Variants in ARHGEF12 observed in about 807,000 individuals in gnomAD.
The protein encoded by ARHGEF12 is Rho guanine nucleotide exchange factor 12.
Under a neutral mutation model 211.2 loss-of-function variants are expected in ARHGEF12, and 66 were observed. That is an observed-to-expected ratio of 0.31 (90% CI 0.26 to 0.38). ARHGEF12 has a LOEUF of 0.38. Ranked by LOEUF, ARHGEF12 falls within the 10% of genes least tolerant of loss-of-function variation. The pLI is 1.00. For synonymous variants in ARHGEF12, 592 were observed against 638.4 expected (o/e 0.93, Z 1.09); for missense variants, 1,429 against 1,869.5 (o/e 0.76, Z 4.34).
chr11:120,337,654 G>A (rs779942827), intron 1 of ARHGEF12: 2 of 985,380 alleles, frequency 2.0e-6, no homozygotes. Context: ...CTTTAGCCGT[G>A]TCCTGCAGTA....
intron 11 of ARHGEF12, among the ~76,000 whole-genome samples, chr11:120,433,345 T>C (rs531741638): frequency 6.6e-6 from 1 of 152,346 alleles, no homozygotes; most frequent in Non-Finnish European, 1.5e-5. Flanking sequence ...GAGATTATCT[T>C]AGAAGCCAAA....
intron 15 of ARHGEF12, among the ~76,000 whole-genome samples, chr11:120,444,007 T>C (rs1945964594): frequency 6.6e-6 from 1 of 152,164 alleles, no homozygotes; most frequent in South Asian, 2.1e-4. Flanking sequence ...CGGTACCCCA[T>C]GTGGATATCA....
Position 120,477,483 on chromosome 11 carries a change from AGAG to A in ARHGEF12, c.3493_3495del (p.Glu1165del), listed in dbSNP as rs915995381. 6.2e-7 allele frequency: 1 copy of A among 1,612,562 alleles called. No individual in the cohort carries two copies. The highest frequency in any genetic ancestry group is 8.5e-7 in the Non-Finnish European group (1 of 1,179,882). Reference sequence around the variant, plus strand: ...ATGAAGAAGATCCTTCAAAATTAAAAGAGGAGCAGCATGGCATTTCAGTCACTG... The same window carrying A: ...ATGAAGAAGATCCTTCAAAATTAAAAGAGCAGCATGGCATTTCAGTCACTG... On this transcript the variant is annotated inframe_deletion, in exon 36 of 41. Coordinates refer to ENST00000397843, the MANE Select transcript of ARHGEF12 (RefSeq NM_015313.3).
At chr11:120,411,679 T>C (rs1260669010) in intron 4 of ARHGEF12, 3 of 130,912 alleles carry the variant, frequency 2.3e-5, no homozygotes, top group African/African-American at 8.7e-5. Flanking sequence ...AGCCTCAACC[T>C]CCTGGGCTCA....
chr11:120,452,814 G>A (rs370079760), intron 22 of ARHGEF12, among the ~76,000 whole-genome samples: 137 of 152,186 alleles, frequency 9.0e-4, no homozygotes, highest in African/African-American at 3.0e-3. Flanking sequence ...TGGCCAACAT[G>A]GTGAAACCCG....
At chr11:120,465,012 GA>G (rs757615932) in intron 27 of ARHGEF12, 786 of 437,034 alleles carry the variant, frequency 1.8e-3, no homozygotes, top group East Asian at 3.1e-3. Context: ...TCAAAAAAAA[GA>G]AAAAAAAAAG....
intron 33 of ARHGEF12, chr11:120,475,914 G>T (rs1947015192): frequency 1.9e-5 from 3 of 155,684 alleles, no homozygotes; most frequent in African/African-American, 7.2e-5. Flanking sequence ...TAACAACGGG[G>T]TCCCTTTTAA....
intron 11 of ARHGEF12, among the ~76,000 whole-genome samples, chr11:120,433,419 C>A (rs1945603575): frequency 6.6e-6 from 1 of 152,158 alleles, no homozygotes. Flanking sequence ...TTTGGGAATG[C>A]TTTTCGTACT....
In ARHGEF12 at chr11:120,480,308, G is replaced by A. The variant is rs1430580095; in HGVS notation, c.4115G>A (p.Gly1372Glu). The change falls in exon 38 of 41, where the codon GGG becomes GAG. Residue 1372 changes from glycine (G) to glutamate (E), a missense_variant. Around this residue, in one of 7 missense-constraint regions of ARHGEF12, gnomAD observed 467 missense variants for 468.4 expected, o/e 1.00. Transcript: ENST00000397843. The part of the protein sequence containing the change: ...TPEMPTMEPE[G>E]GLDDSGEHFF... ...GAGATGCCTACCATGGAGCCAGAAG[G>A]GGGTCTTGATGACAGTGGAGAGCAC... The A allele has an allele frequency of 1.2e-6, 2 of 1,613,982 alleles. No homozygotes were observed. The highest frequency in any genetic ancestry group is 1.7e-6 in the Non-Finnish European group (2 of 1,180,034).
chr11:120,352,497 CGTT>C (rs765908461), intron 1 of ARHGEF12, among the ~76,000 whole-genome samples: 9 of 152,152 alleles, frequency 5.9e-5, no homozygotes, highest in Admixed American at 2.0e-4. Flanking sequence ...TTTTTATTTG[CGTT>C]GTTATAGTGT....
intron 1 of ARHGEF12, among the ~76,000 whole-genome samples, chr11:120,367,382 T>TG: frequency 7.4e-6 from 1 of 134,768 alleles, no homozygotes; most frequent in Non-Finnish European, 1.6e-5. Flanking sequence ...TTTTTTTTTT[T>TG]TGAGGTGGAG....
At chr11:120,453,012 C>CAAAAAAAAAAAAAAA (rs1187491086) in intron 22 of ARHGEF12, among the ~76,000 whole-genome samples, 1 of 104,998 alleles carries the variant, frequency 9.5e-6, no homozygotes. Flanking sequence ...AAAACAAAAA[C>CAAAAAAAAAAAAAAA]AAAAACAAAA....
At chr11:120,444,567 C>A (rs1945988324) in intron 15 of ARHGEF12, among the ~76,000 whole-genome samples, 1 of 152,112 alleles carries the variant, frequency 6.6e-6, no homozygotes, top group Admixed American at 6.5e-5. Flanking sequence ...AGAGATCTTA[C>A]AATTTTTAGC....
In ARHGEF12 at chr11:120,424,354, A is replaced by G. The variant is rs758357908; in HGVS notation, c.349-4A>G. The G allele has an allele frequency of 2.7e-5, 44 of 1,611,596 alleles. No homozygotes were observed. In the Middle Eastern group the frequency reaches 2.1e-3, roughly 78 times the overall value. ...TGACATACACTACTTTCGTTTTCTTACAGGTGAATGGAACTCTGGTGACTC... is the reference window on the plus strand; with the variant it reads ...TGACATACACTACTTTCGTTTTCTTGCAGGTGAATGGAACTCTGGTGACTC... On this transcript the variant is annotated splice_region_variant and splice_polypyrimidine_tract_variant and intron_variant, in intron 6 of 40. Coordinates refer to ENST00000397843, the MANE Select transcript of ARHGEF12 (RefSeq NM_015313.3).
intron 24 of ARHGEF12, 87 bp downstream of exon 24, chr11:120,457,843 G>A: frequency 7.0e-7 from 1 of 1,418,518 alleles, no homozygotes; most frequent in Non-Finnish European, 9.7e-7. Context: ...TAAAGGAAAA[G>A]AAACCCTGTA....
At chr11:120,476,531 G>C in intron 33 of ARHGEF12, 130 bp from the exon 34 acceptor site, 1 of 502,974 alleles carries the variant, frequency 2.0e-6, no homozygotes, top group Non-Finnish European at 3.4e-6. Flanking sequence ...TGTACATCTT[G>C]ATGAATTTTA....
chr11:120,340,408 A>T (rs372620020), intron 1 of ARHGEF12, among the ~76,000 whole-genome samples: 14 of 152,314 alleles, frequency 9.2e-5, no homozygotes, highest in Middle Eastern at 3.4e-3. Flanking sequence ...TGAATTTTGT[A>T]GTTTTTGATT....
rs1180246695 is a variant in ARHGEF12 at position 120,481,284 on chromosome 11, A to G, written c.4262A>G (p.Tyr1421Cys). 4 of 1,614,048 alleles carry G rather than the reference A, an allele frequency of 2.5e-6. No homozygotes were observed. Among genetic ancestry groups the G allele is most frequent in the African/African-American group, 2.7e-5 (2 of 74,922 alleles). Residue 1421 changes from tyrosine (Y) to cysteine (C), a missense_variant, in exon 39 of 41, where the codon TAT (tyrosine) becomes TGT (cysteine). Physicochemically the swap from Tyr to Cys is radical, Grantham distance 194. Transcript: ENST00000397843. The part of the protein sequence containing the change: ...ISGNYLILDG[Y>C]DPVQESSTDE... ...GGAAACTATTTGATCCTTGATGGCTATGACCCAGTGCAGGAGAGTTCCACA... is the reference window on the plus strand; with the variant it reads ...GGAAACTATTTGATCCTTGATGGCTGTGACCCAGTGCAGGAGAGTTCCACA...
intron 1 of ARHGEF12, among the ~76,000 whole-genome samples, chr11:120,344,702 T>G (rs577173565): frequency 6.6e-6 from 1 of 152,192 alleles, no homozygotes; most frequent in South Asian, 2.1e-4. Flanking sequence ...ATGGTTATAA[T>G]GATGTATTAT....
Sources: allele counts gnomAD v4.1 joint callset (sites outside exome capture counted in the v4.1 genomes callset), GRCh38; gene constraint gnomAD v4.1.1; regional missense constraint gnomAD v4.1.1; transcripts MANE v1.5; gene names NCBI Gene and HGNC (gene_info 2026-07-23, HGNC 2026-07-21).